TMEM39A: variants seen among roughly 807,000 people sequenced by gnomAD.
TMEM39A encodes transmembrane protein 39A.
TMEM39A carries 19 observed loss-of-function variants against 51.9 expected under a neutral mutation model. The ratio of observed to expected loss-of-function variants is 0.37; its 90% CI spans 0.26 to 0.54. TMEM39A has a LOEUF of 0.54. Among genes scored for constraint, TMEM39A ranks in the 20% least tolerant of loss-of-function variants. The probability of loss-of-function intolerance (pLI) is 0.88; values close to 1 mark genes in which losing one functional copy is unlikely to be tolerated. For synonymous variants in TMEM39A, 197 were observed against 220.2 expected (o/e 0.89, Z 0.93); for missense variants, 433 against 590.5 (o/e 0.73, Z 2.76).
intron 5 of TMEM39A, among the ~76,000 whole-genome samples, chr3:119,443,705 C>T (rs2081085504): frequency 6.6e-6 from 1 of 152,052 alleles, no homozygotes; most frequent in Non-Finnish European, 1.5e-5. Flanking sequence ...CACTTGAGCC[C>T]AGGAGTTCAA....
chr3:119,436,007 A>C (rs1161759969), intron 7 of TMEM39A: 4 of 1,127,532 alleles, frequency 3.5e-6, no homozygotes, highest in African/African-American at 1.6e-5. Flanking sequence ...AGGTCACCTC[A>C]ATCTGTCCCA....
intron 3 of TMEM39A, among the ~76,000 whole-genome samples, chr3:119,457,575 G>C (rs934307960): frequency 1.3e-5 from 2 of 152,140 alleles, no homozygotes; most frequent in Non-Finnish European, 2.9e-5. Context: ...GAAGACAGTA[G>C]AATCTCCATC....
intron 5 of TMEM39A, among the ~76,000 whole-genome samples, chr3:119,443,808 C>T (rs1043500371): frequency 1.3e-5 from 2 of 151,862 alleles, no homozygotes; most frequent in Non-Finnish European, 2.9e-5. Context: ...TCCCAGTCCC[C>T]TAGGATTGCT....
At chr3:119,437,479 C>T (rs1445899843) in intron 6 of TMEM39A, among the ~76,000 whole-genome samples, 4 of 146,610 alleles carry the variant, frequency 2.7e-5, no homozygotes, top group African/African-American at 7.6e-5. Context: ...CATACTGATT[C>T]TATTATAAGT....
intron 4 of TMEM39A, among the ~76,000 whole-genome samples, chr3:119,451,005 T>G (rs931356728): frequency 6.6e-6 from 1 of 152,114 alleles, no homozygotes; most frequent in Non-Finnish European, 1.5e-5. Flanking sequence ...AAGTAGCATG[T>G]CCAAGTAACT....
intron 5 of TMEM39A, among the ~76,000 whole-genome samples, chr3:119,438,633 A>C (rs1258127073): frequency 6.6e-6 from 1 of 152,134 alleles, no homozygotes; most frequent in Non-Finnish European, 1.5e-5. Flanking sequence ...TAATTTACCC[A>C]TTTCTCTCTT....
intron 5 of TMEM39A, among the ~76,000 whole-genome samples, chr3:119,438,361 T>C (rs184826137): frequency 1.2e-4 from 19 of 152,314 alleles, no homozygotes; most frequent in African/African-American, 4.3e-4. Flanking sequence ...ACACATCACT[T>C]AGCAATAATC....
chr3:119,442,624 T>G (rs1243769150), intron 5 of TMEM39A, among the ~76,000 whole-genome samples: 1 of 152,236 alleles, frequency 6.6e-6, no homozygotes, highest in Admixed American at 6.5e-5. Flanking sequence ...ATTTGTGATT[T>G]ATGAGAGGAG....
rs554984021 is a variant in TMEM39A at position 119,443,445 on chromosome 3, A to G, written c.575+3573T>C. ...AAGTGACAAAGCCATCCCAACCTTCAGCAACCACCACCCTGATCAGTCAGC... is the reference window on the plus strand; with the variant it reads ...AAGTGACAAAGCCATCCCAACCTTCGGCAACCACCACCCTGATCAGTCAGC... On this transcript the variant is annotated intron_variant, in intron 5 of 8. Transcript: ENST00000319172. 3.3e-5 allele frequency among the ~76,000 whole-genome samples: 5 copies of G among 152,318 alleles called. No homozygotes were observed. In the South Asian group the frequency reaches 6.2e-4, roughly 19 times the overall value.
chr3:119,440,066 A>C (rs12485665), intron 5 of TMEM39A, among the ~76,000 whole-genome samples: 23,494 of 152,128 alleles, frequency 0.15, 2,172 homozygotes, highest in South Asian at 0.25. Context: ...CCGCACCCAG[A>C]CAGAGAAGAA....
chr3:119,461,652 A>G (rs1399912755), intron 2 of TMEM39A, among the ~76,000 whole-genome samples: 4 of 151,360 alleles, frequency 2.6e-5, no homozygotes, highest in African/African-American at 7.2e-5. Context: ...ATAAGTAGAT[A>G]AACCATCACA....
intron 5 of TMEM39A, among the ~76,000 whole-genome samples, chr3:119,443,936 T>TA (rs768448587): frequency 7.2e-5 from 11 of 151,866 alleles, no homozygotes; most frequent in Non-Finnish European, 1.2e-4. Flanking sequence ...TAAAATAAAA[T>TA]AGACTACAGT....
intron 4 of TMEM39A, among the ~76,000 whole-genome samples, chr3:119,450,595 G>T (rs1297418836): frequency 6.6e-6 from 1 of 152,078 alleles, no homozygotes; most frequent in Non-Finnish European, 1.5e-5. Context: ...GCCAAGGTGG[G>T]TGGATCACTT....
chr3:119,451,332 T>C, intron 4 of TMEM39A: 3 of 1,279,968 alleles, frequency 2.3e-6, no homozygotes, highest in South Asian at 1.2e-5. Flanking sequence ...CATGTATGTT[T>C]TGGGAAAAAG....
chr3:119,447,381 C>T (rs1410414667), intron 4 of TMEM39A, among the ~76,000 whole-genome samples: 3 of 152,182 alleles, frequency 2.0e-5, no homozygotes, highest in Non-Finnish European at 4.4e-5. Context: ...TCTTGCACCC[C>T]GAGAGTGCCA....
In TMEM39A at chr3:119,430,899, G is replaced by A. The variant is rs755355185; in HGVS notation, c.*1082C>T. The A allele has an allele frequency of 2.0e-5, 3 of 152,018 alleles. No homozygotes were observed. In the East Asian group the frequency reaches 5.8e-4, roughly 29 times the overall value. 9.4% of individuals were successfully genotyped at this position (152,018 alleles called of 1,614,324 possible). ...TATATTTTAGATTCTCTAAGACAAG[G>A]TCTCATAAGTTTAGATGACAAGTGA... is the stretch of plus-strand genomic sequence containing the variant. On this transcript the variant is annotated 3_prime_UTR_variant, in exon 9 of 9. Coordinates refer to ENST00000319172, the MANE Select transcript of TMEM39A (RefSeq NM_018266.3).
At chr3:119,453,618 G>T (rs2081227084) in intron 3 of TMEM39A, among the ~76,000 whole-genome samples, 2 of 152,178 alleles carry the variant, frequency 1.3e-5, no homozygotes, top group Admixed American at 6.5e-5. Context: ...CTGCTGGTCA[G>T]ATATGATAAC....
intron 7 of TMEM39A, 70 bp downstream of exon 7, chr3:119,436,721 T>A (rs2080972835): frequency 6.8e-7 from 1 of 1,474,124 alleles, no homozygotes; most frequent in Non-Finnish European, 9.2e-7. Context: ...AAGAATGACA[T>A]ACAAAGCAAA....
At chr3:119,445,319 C>A (rs568503632) in intron 5 of TMEM39A, among the ~76,000 whole-genome samples, 1 of 152,218 alleles carries the variant, frequency 6.6e-6, no homozygotes, top group African/African-American at 2.4e-5. Flanking sequence ...AGTGCCATGG[C>A]GCGATCCTGG....
Sources: allele counts gnomAD v4.1 joint callset (sites outside exome capture counted in the v4.1 genomes callset), GRCh38; gene constraint gnomAD v4.1.1; transcripts MANE v1.5; gene names NCBI Gene and HGNC (gene_info 2026-07-23, HGNC 2026-07-21).